The following SLC8A1 variants were observed in gnomAD, a reference collection of about 807,000 sequenced individuals.
SLC8A1 encodes sodium/calcium exchanger 1.
Under a neutral mutation model 68.3 loss-of-function variants are expected in SLC8A1, and 18 were observed. The ratio of observed to expected loss-of-function variants is 0.26; its 90% CI spans 0.18 to 0.39. The LOEUF is 0.39. Among genes scored for constraint, SLC8A1 ranks in the 10% least tolerant of loss-of-function variants. The probability of loss-of-function intolerance (pLI) is 1.00; values close to 1 mark genes in which losing one functional copy is unlikely to be tolerated. For synonymous variants in SLC8A1, 475 were observed against 415.5 expected (o/e 1.14, Z -1.74); for missense variants, 985 against 1,156.7 (o/e 0.85, Z 2.15).
At chr2:40,255,690 T>C (rs2063798808) in intron 2 of SLC8A1, among the ~76,000 whole-genome samples, 1 of 152,316 alleles carries the variant, frequency 6.6e-6, no homozygotes, top group Non-Finnish European at 1.5e-5. Context: ...AAGAGAATAA[T>C]GAAAAGAGTT....
intron 2 of SLC8A1, among the ~76,000 whole-genome samples, chr2:40,239,491 T>G (rs2060911975): frequency 6.6e-6 from 1 of 152,118 alleles, no homozygotes; most frequent in Non-Finnish European, 1.5e-5. Flanking sequence ...AACCAATGCC[T>G]AAAAAAGTTA....
At chr2:40,491,010 A>G (rs944842129) in intron 1 of SLC8A1, among the ~76,000 whole-genome samples, 4 of 152,120 alleles carry the variant, frequency 2.6e-5, no homozygotes, top group African/African-American at 9.7e-5. Context: ...CCTTTAACGT[A>G]AGAATGTTAA....
chr2:40,297,974 C>T (rs1027287406), intron 2 of SLC8A1, among the ~76,000 whole-genome samples: 6 of 152,024 alleles, frequency 3.9e-5, no homozygotes, highest in Non-Finnish European at 5.9e-5. Flanking sequence ...CCATCTCCTG[C>T]GTTCAAACCG....
intron 2 of SLC8A1, among the ~76,000 whole-genome samples, chr2:40,247,523 T>C (rs113850112): frequency 4.6e-5 from 7 of 152,230 alleles, no homozygotes; most frequent in South Asian, 2.1e-4. Flanking sequence ...CCCTTCCTTA[T>C]GCTAGAGCAC....
chr2:40,284,793 G>T (rs1042744378), intron 2 of SLC8A1, among the ~76,000 whole-genome samples: 1 of 151,632 alleles, frequency 6.6e-6, no homozygotes, highest in Non-Finnish European at 1.5e-5. Flanking sequence ...TGCAAACAAC[G>T]GCTCACCAAG....
intron 2 of SLC8A1, among the ~76,000 whole-genome samples, chr2:40,212,430 G>T (rs945507150): frequency 6.6e-6 from 1 of 151,998 alleles, no homozygotes; most frequent in Non-Finnish European, 1.5e-5. Flanking sequence ...GACTACAGGT[G>T]TATGCCACCA....
intron 1 of SLC8A1, among the ~76,000 whole-genome samples, chr2:40,505,084 A>C (rs1044833476): frequency 1.3e-5 from 2 of 152,004 alleles, no homozygotes; most frequent in Admixed American, 6.6e-5. Context: ...TGAATGGATA[A>C]AGAAAATGTG....
At chr2:40,476,003 TTTTC>T (rs1295975939) in intron 1 of SLC8A1, among the ~76,000 whole-genome samples, 1 of 152,202 alleles carries the variant, frequency 6.6e-6, no homozygotes, top group Non-Finnish European at 1.5e-5. Flanking sequence ...AAACTCATTT[TTTTC>T]TTTGAGAGGT....
At chr2:40,161,603 T>C (rs991893217) in intron 5 of SLC8A1, among the ~76,000 whole-genome samples, 1 of 152,184 alleles carries the variant, frequency 6.6e-6, no homozygotes, top group Non-Finnish European at 1.5e-5. Flanking sequence ...TTTTGTACAA[T>C]CAGTACTCTC....
exon 2 of SLC8A1, chr2:40,429,768 G>A (rs778554302): frequency 6.8e-6 from 11 of 1,613,670 alleles, no homozygotes; most frequent in Non-Finnish European, 8.5e-6. Context: ...CACTTCCCAC[G>A]ATGGTGCTAG....
At chr2:40,325,439 G>A (rs971053165) in intron 2 of SLC8A1, among the ~76,000 whole-genome samples, 2 of 152,110 alleles carry the variant, frequency 1.3e-5, no homozygotes, top group Non-Finnish European at 2.9e-5. Context: ...AGAAAGGCTA[G>A]GCATAATGAC....
rs71404277 is a variant in SLC8A1, at chr2:40,131,858, ATTT to A, written c.2437+7540_2437+7542del. Among the ~76,000 whole-genome samples the A allele has an allele frequency of 2.6e-3, 244 of 95,534 alleles. 4 individuals carry two copies. Among genetic ancestry groups the A allele is most frequent in the African/African-American group, 9.3e-3 (216 of 23,174 alleles). The allele number at this position is 95,534 out of a possible 152,430, so 62.7% of individuals were successfully genotyped here. A position where few individuals can be genotyped will look rare whatever the true frequency, so the allele number is the denominator to read the frequency against. ...CTGATGAGGATTATCTTGGTATTCT[ATTT>A]TTTTTTTTTTTTTTTTTTTTTTTGC... is the stretch of plus-strand genomic sequence containing the variant. On this transcript the variant is annotated intron_variant, in intron 7 of 7. Transcript: ENST00000406785.
intron 2 of SLC8A1, among the ~76,000 whole-genome samples, chr2:40,264,755 C>T (rs906381568): frequency 2.0e-5 from 3 of 152,024 alleles, no homozygotes; most frequent in East Asian, 1.9e-4. Flanking sequence ...TGTTAAATGA[C>T]GAGTTAATGG....
chr2:40,175,914 T>C (rs369590566), intron 3 of SLC8A1: 3 of 406,330 alleles, frequency 7.4e-6, no homozygotes, highest in Middle Eastern at 3.5e-4. Flanking sequence ...TAAAGCTTAA[T>C]AGTCCCAGGA....
intron 2 of SLC8A1, among the ~76,000 whole-genome samples, chr2:40,274,329 G>T (rs2066432267): frequency 6.6e-6 from 1 of 151,490 alleles, no homozygotes; most frequent in South Asian, 2.1e-4. Flanking sequence ...CATAATTTCT[G>T]GGATTAAAAA....
chr2:40,133,225 G>A (rs868819518), intron 7 of SLC8A1, among the ~76,000 whole-genome samples: 23 of 152,092 alleles, frequency 1.5e-4, no homozygotes, highest in Non-Finnish European at 2.6e-4. Context: ...GTGCACAGTC[G>A]TTAACACCAC....
intron 2 of SLC8A1, among the ~76,000 whole-genome samples, chr2:40,237,838 C>T (rs1247291808): frequency 6.6e-6 from 1 of 152,140 alleles, no homozygotes; most frequent in Non-Finnish European, 1.5e-5. Flanking sequence ...GGACCCTCAG[C>T]TGCAGGTCTG....
chr2:40,380,359 A>C (rs1226673835), intron 2 of SLC8A1, among the ~76,000 whole-genome samples: 2 of 152,186 alleles, frequency 1.3e-5, no homozygotes, highest in Non-Finnish European at 2.9e-5. Flanking sequence ...AATTGCTATG[A>C]AATGCCTTTA....
intron 2 of SLC8A1, among the ~76,000 whole-genome samples, chr2:40,311,561 T>G (rs182206127): frequency 2.6e-5 from 4 of 152,228 alleles, no homozygotes; most frequent in Admixed American, 2.6e-4. Context: ...TTGATGTCTT[T>G]ATATATCTTA....
Sources: allele counts gnomAD v4.1 joint callset (sites outside exome capture counted in the v4.1 genomes callset), GRCh38; gene constraint gnomAD v4.1.1; transcripts MANE v1.5; gene names NCBI Gene and HGNC (gene_info 2026-07-23, HGNC 2026-07-21).